The following NBEAL2 variants were observed in gnomAD, a reference collection of about 807,000 sequenced individuals.
The protein encoded by NBEAL2 is neurobeachin-like protein 2.
In NBEAL2, 160 loss-of-function variants were observed where a neutral mutation model predicts 299.8. That is an observed-to-expected ratio of 0.53 (90% CI 0.47 to 0.61). NBEAL2 has a LOEUF of 0.61. NBEAL2 is among the 20% of genes least tolerant of loss of function. The pLI is 0.00. For missense variants in NBEAL2, 3,112 were observed against 3,649.0 expected (o/e 0.85, Z 3.79); for synonymous variants, 1,493 against 1,542.3 (o/e 0.97, Z 0.75).
Position 47,003,866 on chromosome 3 carries a change from C to A in NBEAL2, c.5771C>A (p.Ala1924Asp). 6.2e-7 allele frequency: 1 copy of A among 1,613,110 alleles called. No homozygotes were observed. The highest frequency in any genetic ancestry group is 1.1e-5 in the South Asian group (1 of 90,992). ...CAGCGTGAGAAGCTGGTGCTGTCGG[C>A]CGAGTGCCAGCTGGTGACGGTAGTG... ...DEQREKLVLS[A>D]ECQLVTVVAV... Residue 1924 changes from alanine (A) to aspartate (D), a missense_variant, in exon 36 of 54, where the codon GCC becomes GAC. Transcript: ENST00000450053. The surrounding 1 kb of genome is among the most constrained non-coding windows in gnomAD (Gnocchi z 7.0).
rs1436232245 is a variant in NBEAL2 at position 47,002,710 on chromosome 3, G to A, written c.5367G>A (p.Leu1789=). Residue 1789 remains leucine (L), a synonymous_variant, in exon 33 of 54, where the codon CTG becomes CTA. Transcript: ENST00000450053. ...AGGGGCTACGCTACACGGCAGTGCT[G>A]AAGCAGCAGGCAACGCAGCACTCCA... The part of the protein sequence containing the change: ...RLEGLRYTAV[L]KQQATQHSMA... 4 of 1,599,700 alleles carry A rather than the reference G, an allele frequency of 2.5e-6. No individual in the cohort carries two copies. Among genetic ancestry groups the A allele is most frequent in the African/African-American group, 1.3e-5 (1 of 74,832 alleles).
At chr3:46,996,119 A>G (rs1176789379) in intron 15 of NBEAL2, 68 bp downstream of exon 15, 1 of 1,552,932 alleles carries the variant, frequency 6.4e-7, no homozygotes, top group East Asian at 2.4e-5. Context: ...GGGCAGGTGT[A>G]GCCTGGAGCC....
chr3:47,005,351 G>T (rs1443566947), intron 40 of NBEAL2, 30 bp downstream of exon 40: 7 of 1,601,824 alleles, frequency 4.4e-6, no homozygotes, highest in Non-Finnish European at 6.0e-6. Context: ...GGGCAGACTA[G>T]GGGGCAGATA....
At position 47,001,425 on chromosome 3, in the gene NBEAL2, T is replaced by C; in HGVS notation, c.4631T>C (p.Leu1544Pro). 6.2e-7 allele frequency: 1 copy of C among 1,612,580 alleles called. No homozygotes were observed. The highest frequency in any genetic ancestry group is 8.5e-7 in the Non-Finnish European group (1 of 1,179,752). The change falls in exon 29 of 54, where the codon CTG (leucine) becomes CCG (proline). Residue 1544 changes from leucine (L) to proline (P), a missense_variant. By Grantham distance (98) the Leu-to-Pro change is moderately conservative. Transcript: ENST00000450053. This position sits in a 1 kb window ranked among gnomAD's most constrained non-coding sequence, Gnocchi z 6.1. The part of the protein sequence containing the change: ...LCAEGHGNQE[L>P]WSEKLFEGVC... ...GCTGAAGGCCATGGTAACCAGGAACTGTGGAGTGAGAAGGTGCGACCCCTC... is the reference window on the plus strand; with the variant it reads ...GCTGAAGGCCATGGTAACCAGGAACCGTGGAGTGAGAAGGTGCGACCCCTC...
In NBEAL2 at chr3:47,009,531, G is replaced by A. The variant is rs909981964; in HGVS notation, c.*211G>A. ...CTCGCCGGCTGAGGGGCCGCCCTGA[G>A]GGCCAGCACTGGCGTCTGCGGCCGC... On this transcript the variant is annotated 3_prime_UTR_variant, in exon 54 of 54. Transcript: ENST00000450053. 5.8e-5 allele frequency: 34 copies of A among 584,492 alleles called. No homozygotes were observed. Among genetic ancestry groups the A allele is most frequent in the Non-Finnish European group, 9.3e-5 (31 of 332,152 alleles). 36.2% of individuals were successfully genotyped at this position (584,492 alleles called of 1,614,324 possible).
chr3:47,009,412 C>T lies in NBEAL2; in HGVS notation c.*92C>T. 8.2e-7 allele frequency: 1 copy of T among 1,214,962 alleles called. No homozygotes were observed. Among genetic ancestry groups the T allele is most frequent in the South Asian group, 1.4e-5 (1 of 72,506 alleles). 75.3% of individuals were successfully genotyped at this position (1,214,962 alleles called of 1,614,324 possible). On this transcript the variant is annotated 3_prime_UTR_variant, in exon 54 of 54. Transcript: ENST00000450053. ...GTCGGCGGGAACACCCCGGGGTGGG[C>T]AGCCCAGGGGGGTGAGCGGGGCCCA...
At position 46,998,174 on chromosome 3, in the gene NBEAL2, T is replaced by C; in HGVS notation, c.3066T>C (p.His1022=). The change falls in exon 21 of 54, where the codon CAT becomes CAC. Residue 1022 remains histidine (H), a synonymous_variant. Coordinates refer to ENST00000450053, the MANE Select transcript of NBEAL2 (RefSeq NM_015175.3). ...CCCTCCTGTACCTACTCTACCAGCA[T>C]TTGCTCTTCAACTTTCACCTCTGGA... The part of the protein sequence containing the change: ...SGPLLYLLYQ[H]LLFNFHLWTL... 1 of 1,608,726 alleles carries C rather than the reference T, an allele frequency of 6.2e-7. No individual in the cohort carries two copies. The highest frequency in any genetic ancestry group is 2.2e-5 in the East Asian group (1 of 44,704).
Position 47,006,962 on chromosome 3 carries a change from T to G in NBEAL2, c.7135-104T>G, listed in dbSNP as rs56217494. 0.39 allele frequency: 366,340 copies of G among 939,634 alleles called. 73,356 individuals are homozygous for G. The highest frequency in any genetic ancestry group is 0.5 in the Middle Eastern group (1,586 of 3,200). 58.2% of individuals were successfully genotyped at this position (939,634 alleles called of 1,614,324 possible). A position where few individuals can be genotyped will look rare whatever the true frequency, so the allele number is the denominator to read the frequency against. ...CTCTGCATCTGTGACACCTACTCTA[T>G]GACCCCTGGGGACTGACAGTAAAGG... On this transcript the variant is annotated intron_variant, in intron 45 of 53. Transcript: ENST00000450053.
Position 47,000,081 on chromosome 3 carries a change from C to A in NBEAL2, c.3982C>A (p.Pro1328Thr). 6.2e-7 allele frequency: 1 copy of A among 1,613,668 alleles called. No homozygotes were observed. Among genetic ancestry groups the A allele is most frequent in the South Asian group, 1.1e-5 (1 of 91,076 alleles). ...PKPPTESPAE[P>T]SDVFLPSEAP... ...GCCACCCACTGAGTCACCTGCTGAG[C>A]CTTCAGATGTCTTCCTGCCCTCAGA... is the stretch of plus-strand genomic sequence containing the variant. The change falls in exon 27 of 54, where the codon CCT becomes ACT. Residue 1328 changes from proline (P) to threonine (T), a missense_variant. By Grantham distance (38) the Pro-to-Thr change is conservative. Transcript: ENST00000450053. The surrounding 1 kb of genome is among the most constrained non-coding windows in gnomAD (Gnocchi z 4.5).
chr3:47,000,255 C>T lies in NBEAL2; in HGVS notation c.4156C>T (p.Pro1386Ser), dbSNP rs761703777. ...TGGGACTCTTACTCCAGCCAGCCAG[C>T]CCGGCACTCCTTCGCCACTGGATGG... ...SSGTLTPASQPGTPSPLDGPR... is the reference protein window; with the variant it reads ...SSGTLTPASQSGTPSPLDGPR... The change falls in exon 27 of 54, where the codon CCC becomes TCC. Residue 1386 changes from proline to serine, a missense_variant. By Grantham distance (74) the Pro-to-Ser change is moderately conservative (BLOSUM62 -1). Coordinates refer to ENST00000450053, the MANE Select transcript of NBEAL2 (RefSeq NM_015175.3). The surrounding 1 kb of genome is among the most constrained non-coding windows in gnomAD (Gnocchi z 4.5). 1.2e-5 allele frequency: 19 copies of T among 1,613,090 alleles called. No homozygotes were observed. In the Middle Eastern group the frequency reaches 4.9e-4, roughly 42 times the overall value.
Position 46,997,267 on chromosome 3 carries a change from G to A in NBEAL2, c.2658G>A (p.Val886=). ...RVETWDVKDV[V]NCVGGMGALL... ...CATCCTCCTTCCCCCAGGATGTGGTGAACTGCGTTGGGGGTATGGGTGCCC... is the reference window on the plus strand; with the variant it reads ...CATCCTCCTTCCCCCAGGATGTGGTAAACTGCGTTGGGGGTATGGGTGCCC... Residue 886 remains valine (V), a synonymous_variant, in exon 19 of 54, where the codon GTG becomes GTA. Coordinates refer to ENST00000450053, the MANE Select transcript of NBEAL2 (RefSeq NM_015175.3). The A allele has an allele frequency of 6.2e-7, 1 of 1,612,732 alleles. No individual in the cohort carries two copies. Among genetic ancestry groups the A allele is most frequent in the Non-Finnish European group, 8.5e-7 (1 of 1,179,800 alleles).
chr3:46,998,581 C>A lies in NBEAL2; in HGVS notation c.3221+16C>A, dbSNP rs371780626. ...CCCACTACAGGTGAGGCCAGTGGGG[C>A]CAGATGGGCCATGGGGGGCTGACAC... On this transcript the variant is annotated intron_variant, in intron 22 of 53. Transcript: ENST00000450053. 173 of 1,602,202 alleles carry A rather than the reference C, an allele frequency of 1.1e-4. No individual in the cohort carries two copies. The highest frequency in any genetic ancestry group is 6.6e-4 in the Middle Eastern group (4 of 6,056).
Position 47,001,039 on chromosome 3 carries a change from C to G in NBEAL2, c.4344C>G (p.Asn1448Lys), listed in dbSNP as rs781019108. Residue 1448 changes from asparagine to lysine, a missense_variant, in exon 28 of 54, where the codon AAC becomes AAG. Physicochemically the swap from Asn to Lys is moderately conservative, Grantham distance 94. Coordinates refer to ENST00000450053, the MANE Select transcript of NBEAL2 (RefSeq NM_015175.3). This position sits in a 1 kb window ranked among gnomAD's most constrained non-coding sequence, Gnocchi z 6.1. ...SEEELCNLLT[N>K]VLFSVTWRGV... ...AAGAGTTGTGCAATCTGCTCACCAACGTGCTGTTCTCGGTGACGTGGCGTG... is the reference window on the plus strand; with the variant it reads ...AAGAGTTGTGCAATCTGCTCACCAAGGTGCTGTTCTCGGTGACGTGGCGTG... 7 of 1,612,348 alleles carry G rather than the reference C, an allele frequency of 4.3e-6. No individual in the cohort carries two copies. Among genetic ancestry groups the G allele is most frequent in the Non-Finnish European group, 5.9e-6 (7 of 1,179,314 alleles).
At chr3:46,996,233 G>T (rs767873983) in intron 15 of NBEAL2, 38 bp from the exon 16 acceptor site, 3 of 1,598,860 alleles carry the variant, frequency 1.9e-6, no homozygotes, top group Non-Finnish European at 2.5e-6. Flanking sequence ...CCCAGGTTCT[G>T]CTGTGACCTG....
In NBEAL2 at chr3:46,999,383, G is replaced by A; in HGVS notation, c.3612G>A (p.Glu1204=). 6.8e-6 allele frequency: 11 copies of A among 1,606,894 alleles called. No homozygotes were observed. The highest frequency in any genetic ancestry group is 9.3e-6 in the Non-Finnish European group (11 of 1,177,416). ...GCCGCCAGCGCCTCCGGCTGCGGGA[G>A]TGTGGTCTCCAGGGTCTGGTTGCCT... ...ERSRQRLRLR[E]CGLQGLVACL... is the part of the protein sequence containing the mutation. The change falls in exon 25 of 54, where the codon GAG becomes GAA. Residue 1204 remains glutamate, a synonymous_variant. Coordinates refer to ENST00000450053, the MANE Select transcript of NBEAL2 (RefSeq NM_015175.3).
rs2036911138 is a variant in NBEAL2 at position 47,000,719 on chromosome 3, T to TTCTGGGTTTGGGGATGGGCC, written c.4306-277_4306-258dup. ...AAACTCCAAAGGCCCTGCCCTGGGC[T>TTCTGGGTTTGGGGATGGGCC]TCTGGGTTTGGGGATGGGCCTCTGC... On this transcript the variant is annotated intron_variant, in intron 27 of 53. Transcript: ENST00000450053. This position sits in a 1 kb window ranked among gnomAD's most constrained non-coding sequence, Gnocchi z 4.5. Among the ~76,000 whole-genome samples, 1 of 152,196 alleles carries TTCTGGGTTTGGGGATGGGCC rather than the reference T, an allele frequency of 6.6e-6. No homozygotes were observed. The highest frequency in any genetic ancestry group is 6.5e-5 in the Admixed American group (1 of 15,282).
chr3:47,008,505 C>T lies in NBEAL2; in HGVS notation c.7879-15C>T, dbSNP rs772300509. The T allele has an allele frequency of 6.2e-7, 1 of 1,611,452 alleles. No individual in the cohort carries two copies. The highest frequency in any genetic ancestry group is 1.3e-5 in the African/African-American group (1 of 74,988). ...TTGGGATCCTGTCCTTGCTGACACT[C>T]CCTGCTTCCTCCAGGTCACCTACTC... On this transcript the variant is annotated splice_polypyrimidine_tract_variant and intron_variant, in intron 51 of 53. Transcript: ENST00000450053.
chr3:46,987,098 A>G (rs933951818), intron 1 of NBEAL2, among the ~76,000 whole-genome samples: 1 of 152,236 alleles, frequency 6.6e-6, no homozygotes, highest in African/African-American at 2.4e-5. Context: ...GGAGTTCCCC[A>G]ATCACAGGGT....
At position 47,000,145 on chromosome 3, in the gene NBEAL2, T is replaced by A; in HGVS notation, c.4046T>A (p.Leu1349His). ...CPDPDGFYHA[L>H]SPFCTPFDLG... Reference sequence around the variant, plus strand: ...GACCCTGATGGCTTTTACCATGCTCTCTCCCCATTCTGCACGCCCTTTGAC... The same window carrying A: ...GACCCTGATGGCTTTTACCATGCTCACTCCCCATTCTGCACGCCCTTTGAC... The change falls in exon 27 of 54, where the codon CTC (leucine) becomes CAC (histidine). Residue 1349 changes from leucine (L) to histidine (H), a missense_variant. Leu to His is a moderately conservative substitution (Grantham distance 99). Around this residue, in one of 3 missense-constraint regions of NBEAL2, gnomAD observed 2,243 missense variants for 2,538.1 expected, o/e 0.88. Transcript: ENST00000450053. The surrounding 1 kb of genome is among the most constrained non-coding windows in gnomAD (Gnocchi z 4.5). 1 of 1,613,716 alleles carries A rather than the reference T, an allele frequency of 6.2e-7. No homozygotes were observed. The highest frequency in any genetic ancestry group is 8.5e-7 in the Non-Finnish European group (1 of 1,179,856).
Sources: gnomAD v4.1 joint callset for allele counts (sites outside exome capture counted in the v4.1 genomes callset) on GRCh38, gnomAD v4.1.1 for gene constraint, gnomAD v4.1.1 regional missense constraint, Gnocchi (gnomAD v3.1) non-coding constraint, MANE v1.5 for transcripts, NCBI Gene and HGNC (gene_info 2026-07-23, HGNC 2026-07-21) for gene names.